SLC28A1: variants seen among roughly 807,000 people sequenced by gnomAD.
SLC28A1 encodes the protein sodium/nucleoside cotransporter 1.
Under a neutral mutation model 74.8 loss-of-function variants are expected in SLC28A1, and 64 were observed. The ratio of observed to expected loss-of-function variants is 0.86; its 90% confidence interval spans 0.70 to 1.05. SLC28A1 has a LOEUF of 1.05. Among genes scored for constraint, SLC28A1 ranks in the 50% least tolerant of loss-of-function variants. The pLI is 0.00. For missense variants in SLC28A1, 828 were observed against 822.8 expected, an observed-to-expected ratio of 1.01 and a Z score of -0.08; for synonymous variants, 359 against 335.0, an observed-to-expected ratio of 1.07 and a Z score of -0.78.
chr15:84,894,364 C>A (rs1965704837), intron 5 of SLC28A1, among the ~76,000 whole-genome samples: 1 of 116,314 alleles, frequency 8.6e-6, no homozygotes, highest in African/African-American at 3.6e-5. Context: ...AAAGTGAGAC[C>A]CTATCTCCAA....
the SLC28A1 span, among the ~76,000 whole-genome samples, chr15:84,953,078 A>G: frequency 6.6e-6 from 1 of 152,222 alleles, no homozygotes; most frequent in East Asian, 1.9e-4. Flanking sequence ...CAAAGCATAC[A>G]GCTTTCAAGG....
At chr15:84,890,682 G>T in intron 5 of SLC28A1, 148 bp downstream of exon 5, 2 of 716,626 alleles carry the variant, frequency 2.8e-6, no homozygotes. Context: ...GGGTACTGAG[G>T]CATCTGTTAA....
At chr15:84,889,709 TTTCCTTCCTTCCTTCCTTCCTTCCTTCC>T (rs1327916243) in intron 4 of SLC28A1, among the ~76,000 whole-genome samples, 27 of 27,094 alleles carry the variant, frequency 1.0e-3, no homozygotes, top group Middle Eastern at 0.017. Flanking sequence ...TCCTTCCTTC[TTTCCTTCCTTCCTTCCTTCCTTCCTTCC>T]TTCCTTCCTT....
the SLC28A1 span, among the ~76,000 whole-genome samples, chr15:84,968,948 C>T: frequency 6.6e-6 from 1 of 152,284 alleles, no homozygotes; most frequent in African/African-American, 2.4e-5. Flanking sequence ...AGCTGGGGCA[C>T]CCTCTGGGAC....
chr15:84,898,100 T>C (rs958841912), intron 6 of SLC28A1, among the ~76,000 whole-genome samples: 2 of 151,536 alleles, frequency 1.3e-5, no homozygotes, highest in Non-Finnish European at 2.9e-5. Context: ...AAACATGGAG[T>C]GCAGGTGTCT....
chr15:84,915,353 C>T (rs904498816), intron 9 of SLC28A1, among the ~76,000 whole-genome samples: 12 of 152,298 alleles, frequency 7.9e-5, no homozygotes, highest in Non-Finnish European at 1.5e-4. Context: ...CCCAGCTGCC[C>T]GGGCAGAATC....
In SLC28A1 at chr15:84,905,613, A is replaced by T. The variant is rs765440960; in HGVS notation, c.678A>T (p.Pro226=). The change falls in exon 8 of 19, where the codon CCA becomes CCT. Residue 226 remains proline, a synonymous_variant. Coordinates refer to ENST00000394573, the MANE Select transcript of SLC28A1 (RefSeq NM_004213.5). Reference sequence around the variant, plus strand: ...GACTCCTCGTCATCAGAACAGAACCAGGATTCATTGCGTTCGAGTGGCTGG... The same window carrying T: ...GACTCCTCGTCATCAGAACAGAACCTGGATTCATTGCGTTCGAGTGGCTGG... The part of the protein sequence containing the change: ...VLGLLVIRTE[P]GFIAFEWLGE... 2 of 1,614,016 alleles carry T rather than the reference A, an allele frequency of 1.2e-6. No homozygotes were observed. Among genetic ancestry groups the T allele is most frequent in the Non-Finnish European group, 1.7e-6 (2 of 1,179,984 alleles).
chr15:84,891,884 C>A (rs1269163720), intron 5 of SLC28A1, among the ~76,000 whole-genome samples: 1 of 152,016 alleles, frequency 6.6e-6, no homozygotes, highest in African/African-American at 2.4e-5. Context: ...TTTGTACGAG[C>A]TGAGGTGGGG....
chr15:84,905,840 A>C (rs1413379809), intron 8 of SLC28A1, among the ~76,000 whole-genome samples, 188 bp downstream of exon 8: 1 of 151,946 alleles, frequency 6.6e-6, no homozygotes, highest in Non-Finnish European at 1.5e-5. Context: ...CACTTCCCTC[A>C]TGCCTGGTAC....
At chr15:84,887,700 C>G in intron 2 of SLC28A1, 45 bp from the exon 3 acceptor site, 1 of 1,595,770 alleles carries the variant, frequency 6.3e-7, no homozygotes, top group South Asian at 1.1e-5. Flanking sequence ...TGGGCCCTGC[C>G]CGGCCTCCCT....
At chr15:84,955,039 G>A in the SLC28A1 span, among the ~76,000 whole-genome samples, 1 of 152,198 alleles carries the variant, frequency 6.6e-6, no homozygotes, top group South Asian at 2.1e-4. Context: ...CCTGCTCTGT[G>A]GCTGCCACGC....
intron 16 of SLC28A1, 141 bp from the exon 17 acceptor site, chr15:84,944,425 C>T (rs1973073330): frequency 1.4e-6 from 1 of 709,792 alleles, no homozygotes; most frequent in South Asian, 1.5e-5. Context: ...GCTCAGCAAG[C>T]TGTCAGGAGG....
At position 84,945,605 on chromosome 15, in the gene SLC28A1, A is replaced by G. The variant is rs1267222375; in HGVS notation, c.*405A>G. The G allele has an allele frequency of 3.4e-6, 1 of 295,250 alleles. No individual in the cohort carries two copies. The highest frequency in any genetic ancestry group is 6.6e-6 in the Non-Finnish European group (1 of 151,186). 18.3% of individuals were successfully genotyped at this position (295,250 alleles called of 1,614,324 possible). A position where few individuals can be genotyped will look rare whatever the true frequency, so the allele number is the denominator to read the frequency against. On this transcript the variant is annotated 3_prime_UTR_variant, in exon 19 of 19. Transcript: ENST00000394573. Reference sequence around the variant, plus strand: ...CCCTCCCCACTTCCTAGGCACTAGGATCTCTCTGTGGCTTCCCCTGCTGGG... The same window carrying G: ...CCCTCCCCACTTCCTAGGCACTAGGGTCTCTCTGTGGCTTCCCCTGCTGGG...
intron 10 of SLC28A1, among the ~76,000 whole-genome samples, chr15:84,919,916 T>C (rs1248565536): frequency 2.6e-5 from 4 of 152,152 alleles, no homozygotes; most frequent in African/African-American, 4.8e-5. Context: ...CTGGAGACTG[T>C]GTTCAACCAA....
chr15:84,908,710 T>C lies in SLC28A1; in HGVS notation c.718-8T>C, dbSNP rs750235240. On this transcript the variant is annotated splice_polypyrimidine_tract_variant and splice_region_variant and intron_variant, in intron 8 of 18. Coordinates refer to ENST00000394573, the MANE Select transcript of SLC28A1 (RefSeq NM_004213.5). ...CCTGTTTTTGTTTGTTTTGCTTTTT[T>C]CTTTCAGATCTTCCTGAGCTACACG... 6 of 1,612,690 alleles carry C rather than the reference T, an allele frequency of 3.7e-6. No individual in the cohort carries two copies. The highest frequency in any genetic ancestry group is 5.1e-6 in the Non-Finnish European group (6 of 1,179,680).
intron 5 of SLC28A1, among the ~76,000 whole-genome samples, chr15:84,893,979 G>A (rs1965656320): frequency 6.6e-6 from 1 of 152,200 alleles, no homozygotes; most frequent in Admixed American, 6.5e-5. Flanking sequence ...AGAGGGGTTG[G>A]GTAGAACTTA....
At chr15:84,885,332 A>G (rs1169296431) in intron 1 of SLC28A1, among the ~76,000 whole-genome samples, 2 of 151,654 alleles carry the variant, frequency 1.3e-5, no homozygotes, top group Non-Finnish European at 2.9e-5. Flanking sequence ...GGCTCTCAAC[A>G]GTGTGCGGAA....
chr15:84,895,524 G>T (rs1596221385), intron 6 of SLC28A1: 1 of 1,560,830 alleles, frequency 6.4e-7, no homozygotes, highest in Middle Eastern at 2.3e-4. Context: ...TTTTTCATTA[G>T]CCTCCAGGGG....
At chr15:84,889,663 TCC>T (rs1965060764) in intron 4 of SLC28A1, among the ~76,000 whole-genome samples, 1 of 127,856 alleles carries the variant, frequency 7.8e-6, no homozygotes, top group Non-Finnish European at 1.6e-5. Flanking sequence ...TTCTTTTCTT[TCC>T]TTCCTTCCTT....
Sources: allele counts gnomAD v4.1 joint callset (sites outside exome capture counted in the v4.1 genomes callset), GRCh38; gene constraint gnomAD v4.1.1; transcripts MANE v1.5; gene names NCBI Gene and HGNC (gene_info 2026-07-23, HGNC 2026-07-21).